The following OXR1 variants were observed in gnomAD, a reference collection of about 807,000 sequenced individuals.
OXR1 encodes oxidation resistance 1.
In OXR1, 41 loss-of-function variants were observed where a neutral mutation model predicts 104.6. The ratio of observed to expected loss-of-function variants is 0.39; its 90% CI spans 0.31 to 0.51. The LOEUF (loss-of-function observed/expected upper bound fraction) is 0.51. OXR1 is among the 20% of genes least tolerant of loss of function. OXR1 has a pLI of 0.77. For synonymous variants in OXR1, 348 were observed against 348.4 expected, an observed-to-expected ratio of 1.00 and a Z score of 0.01; for missense variants, 955 against 1,031.9, an observed-to-expected ratio of 0.93 and a Z score of 1.02.
At chr8:106,472,638 C>G (rs570765886) in intron 2 of OXR1, among the ~76,000 whole-genome samples, 1 of 151,902 alleles carries the variant, frequency 6.6e-6, no homozygotes, top group East Asian at 1.9e-4. Context: ...AACTTGCTAT[C>G]CCATGCTTAG....
intron 3 of OXR1, among the ~76,000 whole-genome samples, chr8:106,637,833 C>T (rs1054441076): frequency 1.5e-4 from 23 of 149,732 alleles, no homozygotes; most frequent in Non-Finnish European, 3.2e-4. Flanking sequence ...GCGATCTCGG[C>T]TCACTGCAAG....
chr8:106,497,124 G>A (rs930746988), intron 2 of OXR1, among the ~76,000 whole-genome samples: 1 of 152,332 alleles, frequency 6.6e-6, no homozygotes, highest in Admixed American at 6.5e-5. Context: ...TCAACACGGG[G>A]AGAAAAGTTC....
chr8:106,301,772 T>C (rs1426167621), intron 1 of OXR1, among the ~76,000 whole-genome samples: 2 of 152,214 alleles, frequency 1.3e-5, no homozygotes, highest in Non-Finnish European at 2.9e-5. Flanking sequence ...TCAAGATTTA[T>C]AGAGATATTC....
intron 2 of OXR1, among the ~76,000 whole-genome samples, chr8:106,361,914 G>A (rs906947385): frequency 6.6e-6 from 1 of 152,270 alleles, no homozygotes; most frequent in East Asian, 1.9e-4. Flanking sequence ...TCTAACTGTT[G>A]TGGAAAACTA....
At chr8:106,702,052 C>T (rs1830629212) in intron 7 of OXR1, among the ~76,000 whole-genome samples, 1 of 152,160 alleles carries the variant, frequency 6.6e-6, no homozygotes. Context: ...TCACTGCAAC[C>T]TCTGCCTCAT....
intron 1 of OXR1, chr8:106,271,672 C>T (rs1811817724): frequency 6.6e-6 from 1 of 152,344 alleles, no homozygotes; most frequent in South Asian, 2.1e-4. Flanking sequence ...GGGGAACATA[C>T]TTCCCTACGT....
chr8:106,700,604 T>C (rs1830501047), intron 7 of OXR1, among the ~76,000 whole-genome samples: 1 of 151,838 alleles, frequency 6.6e-6, no homozygotes. Context: ...AAAAGTAGAC[T>C]CATGGTTTTG....
At chr8:106,506,484 G>C (rs1274156270) in intron 2 of OXR1, among the ~76,000 whole-genome samples, 3 of 152,036 alleles carry the variant, frequency 2.0e-5, no homozygotes, top group Non-Finnish European at 4.4e-5. Flanking sequence ...GTGGTGGCGG[G>C]CACCTGTAGT....
Position 106,751,101 on chromosome 8 carries a change from C to T in OXR1, c.*160C>T. 1 of 537,796 alleles carries T rather than the reference C, an allele frequency of 1.9e-6. No homozygotes were observed. Among genetic ancestry groups the T allele is most frequent in the Non-Finnish European group, 3.1e-6 (1 of 320,254 alleles). The allele number at this position is 537,796 out of a possible 1,614,324, so 33.3% of individuals were successfully genotyped here. On this transcript the variant is annotated 3_prime_UTR_variant, in exon 17 of 17. Transcript: ENST00000517566. Reference sequence around the variant, plus strand: ...AGTTATAATTTTGGAGTTTATTTTTCAAATCATGTTCTTGTCCCAGAGTTC... The same window carrying T: ...AGTTATAATTTTGGAGTTTATTTTTTAAATCATGTTCTTGTCCCAGAGTTC...
intron 3 of OXR1, among the ~76,000 whole-genome samples, chr8:106,584,216 GA>G (rs1298116187): frequency 6.6e-6 from 1 of 151,306 alleles, no homozygotes; most frequent in African/African-American, 2.4e-5. Flanking sequence ...GAAAAGAGAT[GA>G]AAATAATAGA....
chr8:106,625,791 G>A (rs552712922), intron 3 of OXR1, among the ~76,000 whole-genome samples: 1 of 152,234 alleles, frequency 6.6e-6, no homozygotes, highest in East Asian at 1.9e-4. Context: ...GACCTCACAT[G>A]TGATAGCACT....
At chr8:106,750,736 C>G (rs902117816) in intron 16 of OXR1, 70 bp from the exon 17 acceptor site, 24 of 1,105,522 alleles carry the variant, frequency 2.2e-5, no homozygotes, top group Admixed American at 7.1e-5. Flanking sequence ...GTTAGGTATT[C>G]AAAGTCTCAT....
chr8:106,687,888 G>A (rs185053536), intron 6 of OXR1, among the ~76,000 whole-genome samples: 15 of 152,188 alleles, frequency 9.9e-5, no homozygotes, highest in Non-Finnish European at 1.3e-4. Context: ...GGCTTGGTTC[G>A]GAGCCCATAT....
chr8:106,461,707 A>G (rs985638358), intron 2 of OXR1, among the ~76,000 whole-genome samples: 2 of 152,196 alleles, frequency 1.3e-5, no homozygotes, highest in Non-Finnish European at 2.9e-5. Context: ...GTAAATTGAC[A>G]ATAATATTAC....
intron 1 of OXR1, among the ~76,000 whole-genome samples, chr8:106,293,897 C>T (rs1812862708): frequency 6.7e-6 from 1 of 149,226 alleles, no homozygotes; most frequent in South Asian, 2.1e-4. Flanking sequence ...AAGCTTCCAA[C>T]AAATGAATTT....
At position 106,423,274 on chromosome 8, in the gene OXR1, C is replaced by T. The variant is rs575911168; in HGVS notation, c.23+63638C>T. 2.0e-5 allele frequency among the ~76,000 whole-genome samples: 3 copies of T among 152,296 alleles called. No homozygotes were observed. The East Asian group carries it at 5.8e-4, about 29-fold the overall frequency. On this transcript the variant is annotated intron_variant, in intron 2 of 16. Coordinates refer to ENST00000517566, the MANE Select transcript of OXR1 (RefSeq NM_001198533.2). Reference sequence around the variant, plus strand: ...AGTCTTTCAAAACTATATAGATTATCTCCAAAGTGCACACGATGGATACCC... The same window carrying T: ...AGTCTTTCAAAACTATATAGATTATTTCCAAAGTGCACACGATGGATACCC...
At chr8:106,702,040 G>T (rs1049975030) in intron 7 of OXR1, among the ~76,000 whole-genome samples, 4 of 152,154 alleles carry the variant, frequency 2.6e-5, no homozygotes, top group Admixed American at 6.5e-5. Context: ...TGTGATTTCA[G>T]CTCACTGCAA....
intron 3 of OXR1, among the ~76,000 whole-genome samples, chr8:106,637,824 C>T (rs561305857): frequency 1.3e-5 from 2 of 148,924 alleles, no homozygotes; most frequent in African/African-American, 2.5e-5. Context: ...TGCTGTGGCG[C>T]GATCTCGGCT....
At chr8:106,489,215 G>T (rs1276177929) in intron 2 of OXR1, among the ~76,000 whole-genome samples, 3 of 150,888 alleles carry the variant, frequency 2.0e-5, no homozygotes, top group Non-Finnish European at 3.0e-5. Flanking sequence ...TCATGATTTG[G>T]CTCTCTGTTT....
Sources: gnomAD v4.1 joint callset for allele counts (sites outside exome capture counted in the v4.1 genomes callset) on GRCh38, gnomAD v4.1.1 for gene constraint, MANE v1.5 for transcripts, NCBI Gene and HGNC (gene_info 2026-07-23, HGNC 2026-07-21) for gene names.